ACRV1: variants seen among roughly 807,000 people sequenced by gnomAD.
The protein encoded by ACRV1 is acrosomal vesicle protein 1, also known as acrosomal protein SP-10.
Under a neutral mutation model 29.2 loss-of-function variants are expected in ACRV1, and 17 were observed. The ratio of observed to expected loss-of-function variants is 0.58; its 90% CI spans 0.40 to 0.87. The LOEUF is 0.87. Ranked by LOEUF, ACRV1 falls within the 40% of genes least tolerant of loss-of-function variation. The probability of loss-of-function intolerance (pLI) is 0.00; values close to 1 mark genes in which losing one functional copy is unlikely to be tolerated. For missense variants in ACRV1, 294 were observed against 316.0 expected, an observed-to-expected ratio of 0.93 and a Z score of 0.53; for synonymous variants, 98 against 111.6, an observed-to-expected ratio of 0.88 and a Z score of 0.77.
Position 125,672,474 on chromosome 11 carries a change from T to C in ACRV1, c.*119A>G. On this transcript the variant is annotated 3_prime_UTR_variant, in exon 4 of 4. Coordinates refer to ENST00000533904, the MANE Select transcript of ACRV1 (RefSeq NM_001612.6). ...ATAGGATGTTTGAGCATCCTAATGC[T>C]CAGGCAGAGGCAGATGTGGTCAGTT... 1.7e-6 allele frequency: 2 copies of C among 1,207,788 alleles called. No homozygotes were observed. The highest frequency in any genetic ancestry group is 2.3e-6 in the Non-Finnish European group (2 of 859,650). The allele number at this position is 1,207,788 out of a possible 1,614,324, so 74.8% of individuals were successfully genotyped here. A position where few individuals can be genotyped will look rare whatever the true frequency, so the allele number is the denominator to read the frequency against.
chr11:125,678,394 A>G (rs1323216949), intron 1 of ACRV1, 97 bp from the exon 2 acceptor site: 3 of 1,440,726 alleles, frequency 2.1e-6, no homozygotes, highest in Admixed American at 4.3e-5. Context: ...TGAGACTCCT[A>G]GGTTTCCTAT....
Position 125,680,593 on chromosome 11 carries a change from G to A in ACRV1, c.52+136C>T, listed in dbSNP as rs188396971. 10 of 740,294 alleles carry A rather than the reference G, an allele frequency of 1.4e-5. No individual in the cohort carries two copies. The East Asian group carries it at 2.6e-4, about 20-fold the overall frequency. The allele number at this position is 740,294 out of a possible 1,614,324, so 45.9% of individuals were successfully genotyped here. Reference sequence around the variant, plus strand: ...AACTGGTTCAGGAGCTCTCCGAGTTGGACTTGTTTAGCTGCTCTTGATTCT... The same window carrying A: ...AACTGGTTCAGGAGCTCTCCGAGTTAGACTTGTTTAGCTGCTCTTGATTCT... On this transcript the variant is annotated intron_variant, in intron 1 of 3. Coordinates refer to ENST00000533904, the MANE Select transcript of ACRV1 (RefSeq NM_001612.6).
chr11:125,680,639 A>G, intron 1 of ACRV1, 90 bp downstream of exon 1: 2 of 1,195,026 alleles, frequency 1.7e-6, no homozygotes, highest in Non-Finnish European at 2.4e-6. Flanking sequence ...GGTTTGGGTG[A>G]CTGAGAGACT....
At chr11:125,676,061 C>T (rs919127972) in intron 3 of ACRV1, 7 of 250,504 alleles carry the variant, frequency 2.8e-5, no homozygotes, top group Middle Eastern at 1.4e-3. Flanking sequence ...GTGCCCACCA[C>T]CACACCTGGC....
chr11:125,673,964 G>C (rs550782816), intron 3 of ACRV1, among the ~76,000 whole-genome samples: 1 of 152,264 alleles, frequency 6.6e-6, no homozygotes, highest in East Asian at 1.9e-4. Context: ...TTCAAGACCA[G>C]CCTGGCCAAA....
rs770576227 is a variant in ACRV1, at chr11:125,677,978, G to A, written c.372C>T (p.Leu124=). ...GCTCACTCAAAGGCTGTTCTCCGGA[G>A]AGGTGTTCACCTGAAGGCTGTTCTC... ...PSGEQPSGEH[L]SGEQPLSELE... The change falls in exon 2 of 4, where the codon CTC becomes CTT. Residue 124 remains leucine, a synonymous_variant. Transcript: ENST00000533904. The A allele has an allele frequency of 5.6e-6, 9 of 1,612,346 alleles. No homozygotes were observed. The highest frequency in any genetic ancestry group is 1.7e-5 in the Admixed American group (1 of 59,936).
At position 125,672,436 on chromosome 11, in the gene ACRV1, T is replaced by C. The variant is rs778905476; in HGVS notation, c.*157A>G. On this transcript the variant is annotated 3_prime_UTR_variant, in exon 4 of 4. Transcript: ENST00000533904. ...AGAGAAGAATGGATAAAAGCATGAATAGAAGAAGAAAGATAGGATGTTTGA... is the reference window on the plus strand; with the variant it reads ...AGAGAAGAATGGATAAAAGCATGAACAGAAGAAGAAAGATAGGATGTTTGA... 5.0e-6 allele frequency: 4 copies of C among 796,702 alleles called. No homozygotes were observed. Among genetic ancestry groups the C allele is most frequent in the South Asian group, 1.9e-5 (1 of 54,024 alleles). 49.4% of individuals were successfully genotyped at this position (796,702 alleles called of 1,614,324 possible). A position where few individuals can be genotyped will look rare whatever the true frequency, so the allele number is the denominator to read the frequency against.
rs534814068 is a variant in ACRV1, at chr11:125,672,012, A to G, written c.*581T>C. 1.8e-4 allele frequency: 28 copies of G among 152,356 alleles called. No homozygotes were observed. The highest frequency in any genetic ancestry group is 6.0e-4 in the African/African-American group (25 of 41,568). 9.4% of individuals were successfully genotyped at this position (152,356 alleles called of 1,614,324 possible). A position where few individuals can be genotyped will look rare whatever the true frequency, so the allele number is the denominator to read the frequency against. The stretch of plus-strand genomic sequence containing the variant: ...AATAAGGAATCATTATACTATTATC[A>G]TTATGTTAGTAGTGGACTACTGAAG... On this transcript the variant is annotated 3_prime_UTR_variant, in exon 4 of 4. Transcript: ENST00000533904.
At chr11:125,680,642 G>T in intron 1 of ACRV1, 87 bp downstream of exon 1, 1 of 1,251,486 alleles carries the variant, frequency 8.0e-7, no homozygotes, top group Non-Finnish European at 1.1e-6. Context: ...TTGGGTGACT[G>T]AGAGACTGGT....
At position 125,672,645 on chromosome 11, in the gene ACRV1, G is replaced by C. The variant is rs762059902; in HGVS notation, c.746C>G (p.Thr249Arg). The change falls in exon 4 of 4, where the codon ACG (threonine) becomes AGG (arginine). Residue 249 changes from threonine to arginine, a missense_variant. Thr to Arg is a moderately conservative substitution (Grantham distance 71). Coordinates refer to ENST00000533904, the MANE Select transcript of ACRV1 (RefSeq NM_001612.6). Reference sequence around the variant, plus strand: ...TCGACAGCATATAATTTGCATCCTCGTTCCATGGGAGAAGAGGTTCATAGA... The same window carrying C: ...TCGACAGCATATAATTTGCATCCTCCTTCCATGGGAGAAGAGGTTCATAGA... Reference protein sequence around the residue: ...CPSMNLFSHGTRMQIICCRNQ... With the variant: ...CPSMNLFSHGRRMQIICCRNQ... 1 of 1,613,916 alleles carries C rather than the reference G, an allele frequency of 6.2e-7. No homozygotes were observed. Among genetic ancestry groups the C allele is most frequent in the African/African-American group, 1.3e-5 (1 of 74,884 alleles).
At chr11:125,679,913 T>G (rs1223058121) in intron 1 of ACRV1, among the ~76,000 whole-genome samples, 2 of 152,246 alleles carry the variant, frequency 1.3e-5, no homozygotes, top group East Asian at 1.9e-4. Context: ...TCTACTTGAC[T>G]GGTTTTTCAA....
In ACRV1 at chr11:125,676,096, T is replaced by TG. The variant is rs1432981927; in HGVS notation, c.673+262dup. On this transcript the variant is annotated intron_variant, in intron 3 of 3. Transcript: ENST00000533904. Reference sequence around the variant, plus strand: ...CTAGGTTTTGTATTTTTAGTAGAGATGGGGTTTTTTCATGTTGGCCAGGCT... The same window carrying TG: ...CTAGGTTTTGTATTTTTAGTAGAGATGGGGGTTTTTTCATGTTGGCCAGGCT... 27 of 335,768 alleles carry TG rather than the reference T, an allele frequency of 8.0e-5. No individual in the cohort carries two copies. The South Asian group carries it at 1.1e-3, about 14-fold the overall frequency. The allele number at this position is 335,768 out of a possible 1,614,324, so 20.8% of individuals were successfully genotyped here. A position where few individuals can be genotyped will look rare whatever the true frequency, so the allele number is the denominator to read the frequency against.
In ACRV1 at chr11:125,677,840, T is replaced by G; in HGVS notation, c.510A>C (p.Ser170=). The G allele has an allele frequency of 6.2e-7, 1 of 1,614,170 alleles. No individual in the cohort carries two copies. Among genetic ancestry groups the G allele is most frequent in the Non-Finnish European group, 8.5e-7 (1 of 1,180,006 alleles). Residue 170 remains serine (S), a synonymous_variant, in exon 2 of 4, where the codon TCA becomes TCC. Coordinates refer to ENST00000533904, the MANE Select transcript of ACRV1 (RefSeq NM_001612.6). ...SGEQPSGEHA[S]GEQASGAPIS... The stretch of plus-strand genomic sequence containing the variant: ...TTGGTGCACCTGAAGCCTGTTCCCC[T>G]GAAGCGTGCTCACCTGAAGGCTGTT...
At chr11:125,673,236 G>C (rs1159711869) in intron 3 of ACRV1, among the ~76,000 whole-genome samples, 1 of 143,808 alleles carries the variant, frequency 7.0e-6, no homozygotes, top group African/African-American at 2.6e-5. Context: ...AGACAATCTC[G>C]CTCTGTTGCC....
Position 125,680,789 on chromosome 11 carries a change from A to AG in ACRV1, c.-10dup. The AG allele has an allele frequency of 1.9e-6, 3 of 1,613,298 alleles. No individual in the cohort carries two copies. Among genetic ancestry groups the AG allele is most frequent in the Non-Finnish European group, 2.5e-6 (3 of 1,179,366 alleles). On this transcript the variant is annotated 5_prime_UTR_variant, in exon 1 of 4. Coordinates refer to ENST00000533904, the MANE Select transcript of ACRV1 (RefSeq NM_001612.6). ...AAGAGAAACCTGTTCATCTGGATTT[A>AG]GGAAAAGAGGGGACCCCAGTGTGGG... is the stretch of plus-strand genomic sequence containing the variant.
Position 125,678,771 on chromosome 11 carries a change from T to G in ACRV1, c.53-474A>C, listed in dbSNP as rs924531264. On this transcript the variant is annotated intron_variant, in intron 1 of 3. Transcript: ENST00000533904. ...AAGTAGTTTTCAATACCTGAGTATTTGTAACCTAAATTAAGGGCGGAAGAG... is the reference window on the plus strand; with the variant it reads ...AAGTAGTTTTCAATACCTGAGTATTGGTAACCTAAATTAAGGGCGGAAGAG... Among the ~76,000 whole-genome samples the G allele has an allele frequency of 4.0e-5, 6 of 151,714 alleles. No individual in the cohort carries two copies. The East Asian group carries it at 1.2e-3, about 29-fold the overall frequency.
chr11:125,678,406 G>T (rs1591439568), intron 1 of ACRV1, 109 bp from the exon 2 acceptor site: 1 of 1,322,694 alleles, frequency 7.6e-7, no homozygotes, highest in Non-Finnish European at 1.0e-6. Context: ...GTTTCCTATG[G>T]GCCTAGATTG....
intron 1 of ACRV1, among the ~76,000 whole-genome samples, chr11:125,680,019 T>A (rs1054850192): frequency 6.6e-6 from 1 of 152,252 alleles, no homozygotes; most frequent in Non-Finnish European, 1.5e-5. Flanking sequence ...ATGACTCGTG[T>A]CACCATGTGA....
At chr11:125,674,432 G>A (rs890321292) in intron 3 of ACRV1, among the ~76,000 whole-genome samples, 2 of 152,224 alleles carry the variant, frequency 1.3e-5, no homozygotes, top group African/African-American at 2.4e-5. Context: ...TCAGGCTGAA[G>A]CATAACTGGA....
Sources: allele counts gnomAD v4.1 joint callset (sites outside exome capture counted in the v4.1 genomes callset), GRCh38; gene constraint gnomAD v4.1.1; transcripts MANE v1.5; gene names NCBI Gene and HGNC (gene_info 2026-07-23, HGNC 2026-07-21).